The following NAA20 variants were observed in gnomAD, a reference collection of about 807,000 sequenced individuals.
The protein encoded by NAA20 is N-alpha-acetyltransferase 20, NatB catalytic subunit.
A neutral mutation model predicts 23.8 loss-of-function variants in NAA20; 24 were observed. The ratio of observed to expected loss-of-function variants is 1.01; its 90% confidence interval spans 0.73 to 1.42. The LOEUF (loss-of-function observed/expected upper bound fraction) is 1.42, where lower values mean the gene tolerates loss of function less well. Among genes scored for constraint, NAA20 ranks in the 40% most tolerant of loss-of-function variants. The pLI is 0.00. For missense variants in NAA20, 166 were observed against 223.1 expected, an observed-to-expected ratio of 0.74 and a Z score of 1.63; for synonymous variants, 83 against 77.7, an observed-to-expected ratio of 1.07 and a Z score of -0.36.
chr20:20,020,871 C>G (rs1386613392), intron 1 of NAA20, among the ~76,000 whole-genome samples: 1 of 152,104 alleles, frequency 6.6e-6, no homozygotes, highest in Non-Finnish European at 1.5e-5. Flanking sequence ...CATATTTGTA[C>G]ATTTCTTCCA....
At chr20:20,031,235 G>A (rs987398369) in intron 4 of NAA20, among the ~76,000 whole-genome samples, 1 of 152,174 alleles carries the variant, frequency 6.6e-6, no homozygotes, top group African/African-American at 2.4e-5. Flanking sequence ...ATATCTTAGT[G>A]CTGTAGTTAT....
At position 20,032,229 on chromosome 20, in the gene NAA20, G is replaced by A. The variant is rs111755160; in HGVS notation, c.306-279G>A. Among the ~76,000 whole-genome samples, 124 of 151,948 alleles carry A rather than the reference G, an allele frequency of 8.2e-4. 4 individuals are homozygous for A. Among genetic ancestry groups the A allele is most frequent in the African/African-American group, 3.0e-3 (124 of 41,232 alleles). On this transcript the variant is annotated intron_variant, in intron 4 of 5. Transcript: ENST00000334982. ...AGAAACTGTAATAGGTGGTGAATTT[G>A]TAGAACAAATGCCTTGAGTTTATCT... is the stretch of plus-strand genomic sequence containing the variant.
At position 20,018,757 on chromosome 20, in the gene NAA20, C is replaced by G. The variant is rs6046539; in HGVS notation, c.53+1308C>G. 2,390 of 273,828 alleles carry G rather than the reference C, an allele frequency of 8.7e-3. 49 individuals are homozygous for G. The highest frequency in any genetic ancestry group is 0.051 in the African/African-American group (2,223 of 43,656). The allele number at this position is 273,828 out of a possible 1,614,324, so 17.0% of individuals were successfully genotyped here. A position where few individuals can be genotyped will look rare whatever the true frequency, so the allele number is the denominator to read the frequency against. ...TGAACTCACTGTTCCCTGCATTGTT[C>G]TGAGTGCCCACGTAATAATCCAGTT... On this transcript the variant is annotated intron_variant, in intron 1 of 5. Coordinates refer to ENST00000334982, the MANE Select transcript of NAA20 (RefSeq NM_016100.5).
intron 1 of NAA20, 142 bp downstream of exon 1, chr20:20,017,591 G>A (rs980962997): frequency 6.8e-6 from 9 of 1,326,676 alleles, no homozygotes; most frequent in South Asian, 1.6e-5. Context: ...GCCGGCCAAC[G>A]TGGGCGCCTC....
intron 4 of NAA20, among the ~76,000 whole-genome samples, chr20:20,030,938 T>C (rs2043339660): frequency 6.6e-6 from 1 of 152,192 alleles, no homozygotes; most frequent in African/African-American, 2.4e-5. Flanking sequence ...GCAAGTGCTA[T>C]GCAAGACCTC....
chr20:20,030,555 A>G (rs762816314), intron 4 of NAA20, among the ~76,000 whole-genome samples: 23 of 152,186 alleles, frequency 1.5e-4, no homozygotes, highest in Non-Finnish European at 5.9e-5. Context: ...AAAGCAGGAA[A>G]AAATAAACGA....
intron 3 of NAA20, among the ~76,000 whole-genome samples, chr20:20,026,190 A>G (rs1199874385): frequency 6.6e-6 from 1 of 152,024 alleles, no homozygotes; most frequent in Non-Finnish European, 1.5e-5. Flanking sequence ...CTATAATCCC[A>G]GCTACTCAGG....
chr20:20,031,833 G>GT (rs1010015399), intron 4 of NAA20, among the ~76,000 whole-genome samples: 5 of 152,220 alleles, frequency 3.3e-5, no homozygotes, highest in African/African-American at 1.2e-4. Flanking sequence ...TAGTTACACT[G>GT]TAAGATTGGC....
intron 4 of NAA20, among the ~76,000 whole-genome samples, chr20:20,031,517 G>A (rs1246641559): frequency 6.6e-6 from 1 of 152,070 alleles, no homozygotes; most frequent in East Asian, 1.9e-4. Context: ...TGGCCTCAGT[G>A]TAGAACTTTT....
chr20:20,026,507 T>C (rs1438110673), intron 3 of NAA20, among the ~76,000 whole-genome samples: 1 of 133,224 alleles, frequency 7.5e-6, no homozygotes, highest in Non-Finnish European at 1.7e-5. Context: ...AAATACATAC[T>C]CTGGTTTTTT....
chr20:20,022,246 A>G (rs2043273526), intron 1 of NAA20, among the ~76,000 whole-genome samples: 1 of 152,256 alleles, frequency 6.6e-6, no homozygotes, highest in Admixed American at 6.5e-5. Context: ...AAGTGAAAAA[A>G]TATGTAAACA....
rs189527522 is a variant in NAA20 at position 20,025,640 on chromosome 20, T to C, written c.79-37T>C. The C allele has an allele frequency of 1.9e-4, 272 of 1,468,174 alleles. 2 individuals carry two copies. In the East Asian group the frequency reaches 5.8e-3, roughly 31 times the overall value. 90.9% of individuals were successfully genotyped at this position (1,468,174 alleles called of 1,614,324 possible). The stretch of plus-strand genomic sequence containing the variant: ...TATCCCTTAATGAAGAACTTTTTAC[T>C]GTCCATTACTTTTCACACTCCTTAA... On this transcript the variant is annotated intron_variant, in intron 2 of 5. Coordinates refer to ENST00000334982, the MANE Select transcript of NAA20 (RefSeq NM_016100.5).
At chr20:20,017,982 T>C (rs1050292280) in intron 1 of NAA20, 7 of 1,614,086 alleles carry the variant, frequency 4.3e-6, no homozygotes, top group Middle Eastern at 1.6e-4. Context: ...GGTTAAATTG[T>C]ATCCAAATGA....
intron 4 of NAA20, among the ~76,000 whole-genome samples, chr20:20,030,796 A>G (rs945538179): frequency 6.6e-6 from 1 of 152,060 alleles, no homozygotes; most frequent in Non-Finnish European, 1.5e-5. Context: ...AATGTTTAGA[A>G]TTAATAAAAG....
chr20:20,023,635 C>T (rs1314170605), intron 2 of NAA20, among the ~76,000 whole-genome samples: 1 of 152,138 alleles, frequency 6.6e-6, no homozygotes, highest in East Asian at 1.9e-4. Context: ...TCTGTATCTA[C>T]TGTAGGTGGG....
At chr20:20,030,677 TAA>T (rs2043337036) in intron 4 of NAA20, among the ~76,000 whole-genome samples, 1 of 151,742 alleles carries the variant, frequency 6.6e-6, no homozygotes. Context: ...TTGTTGGATA[TAA>T]AGTCAGTATA....
intron 2 of NAA20, among the ~76,000 whole-genome samples, chr20:20,025,006 A>G (rs1232658288): frequency 1.3e-5 from 2 of 152,242 alleles, no homozygotes; most frequent in African/African-American, 4.8e-5. Flanking sequence ...GAATGATTAC[A>G]TGTCAGTAAG....
At chr20:20,033,078 A>G (rs370472265) in intron 5 of NAA20, 24 bp from the exon 6 acceptor site, 1 of 1,549,886 alleles carries the variant, frequency 6.5e-7, no homozygotes, top group Non-Finnish European at 8.9e-7. Flanking sequence ...TTGGGTGTTT[A>G]TATTAAACTT....
chr20:20,025,075 C>T (rs2146463782), intron 2 of NAA20, among the ~76,000 whole-genome samples: 1 of 152,306 alleles, frequency 6.6e-6, no homozygotes, highest in South Asian at 2.1e-4. Flanking sequence ...TTACTGTTAA[C>T]ATAGTTGATT....
Sources: gnomAD v4.1 joint callset for allele counts (sites outside exome capture counted in the v4.1 genomes callset) on GRCh38, gnomAD v4.1.1 for gene constraint, MANE v1.5 for transcripts, NCBI Gene and HGNC (gene_info 2026-07-23, HGNC 2026-07-21) for gene names.